The following MYH14 variants were observed in gnomAD, a reference collection of about 807,000 sequenced individuals.
MYH14 encodes the protein myosin heavy chain 14, also known as myosin-14.
MYH14 carries 123 observed loss-of-function variants against 255.5 expected under a neutral mutation model. That is an observed-to-expected ratio of 0.48 (90% CI 0.42 to 0.56). The LOEUF is 0.56. Ranked by LOEUF, MYH14 falls within the 20% of genes least tolerant of loss-of-function variation. The probability of loss-of-function intolerance (pLI) is 0.00; values close to 1 mark genes in which losing one functional copy is unlikely to be tolerated. For missense variants in MYH14, 2,423 were observed against 2,802.3 expected (o/e 0.86, Z 3.06); for synonymous variants, 1,095 against 1,161.2 (o/e 0.94, Z 1.16).
intron 19 of MYH14, among the ~76,000 whole-genome samples, chr19:50,259,600 G>A (rs140293141): frequency 6.6e-6 from 1 of 152,238 alleles, no homozygotes; most frequent in Non-Finnish European, 1.5e-5. Flanking sequence ...AGTAGAAGGC[G>A]GGGCGCGGTG....
rs554205766 is a variant in MYH14, at chr19:50,297,336, G to A, written c.5469+3649G>A. Among the ~76,000 whole-genome samples, 3 of 152,030 alleles carry A rather than the reference G, an allele frequency of 2.0e-5. No homozygotes were observed. In the East Asian group the frequency reaches 5.8e-4, roughly 30 times the overall value. ...GGCCAGAGGTCTGAAATCAAGGTGT[G>A]GGCAGGGTTGGTTCCTCTTGTTCAT... On this transcript the variant is annotated intron_variant, in intron 39 of 42. Coordinates refer to ENST00000642316, the MANE Select transcript of MYH14 (RefSeq NM_001145809.2).
intron 10 of MYH14, among the ~76,000 whole-genome samples, chr19:50,241,303 C>T (rs548154379): frequency 2.0e-5 from 3 of 152,270 alleles, no homozygotes; most frequent in Admixed American, 1.3e-4. Context: ...GGCGTGTTGG[C>T]ATGTGCCTGT....
At chr19:50,246,088 C>A (rs2034109257) in intron 11 of MYH14, among the ~76,000 whole-genome samples, 1 of 75,044 alleles carries the variant, frequency 1.3e-5, no homozygotes, top group Admixed American at 1.8e-4. Context: ...GATTCCCCCC[C>A]TCCCTCCCTC....
chr19:50,249,623 C>G, intron 13 of MYH14, 27 bp from the exon 14 acceptor site: 2 of 1,613,884 alleles, frequency 1.2e-6, no homozygotes, highest in Non-Finnish European at 1.7e-6. Flanking sequence ...TCCATCCTCC[C>G]AGCTCACGTG....
At chr19:50,241,024 T>A (rs1248695639) in intron 10 of MYH14, among the ~76,000 whole-genome samples, 1 of 152,084 alleles carries the variant, frequency 6.6e-6, no homozygotes, top group African/African-American at 2.4e-5. Flanking sequence ...GGTTGTGGTA[T>A]GGAGGAAGTG....
chr19:50,275,556 G>C (rs998730826), intron 27 of MYH14, among the ~76,000 whole-genome samples: 10 of 152,332 alleles, frequency 6.6e-5, no homozygotes, highest in Middle Eastern at 3.4e-3. Flanking sequence ...GCTGGGCGAA[G>C]TGGCTCACTC....
chr19:50,272,429 G>A, intron 26 of MYH14, 131 bp from the exon 27 acceptor site: 1 of 926,566 alleles, frequency 1.1e-6, no homozygotes, highest in Admixed American at 2.0e-5. Flanking sequence ...GGGGAAGGTG[G>A]GAGGAGGAGA....
intron 10 of MYH14, among the ~76,000 whole-genome samples, chr19:50,239,896 C>T (rs1229043943): frequency 6.6e-6 from 1 of 152,180 alleles, no homozygotes. Flanking sequence ...ACAGTATACA[C>T]ACCAATAAAA....
Position 50,214,474 on chromosome 19 carries a change from G to T in MYH14, c.406-3141G>T, listed in dbSNP as rs981239128. 3.9e-5 allele frequency among the ~76,000 whole-genome samples: 6 copies of T among 152,162 alleles called. 1 individual carries two copies. The highest frequency in any genetic ancestry group is 3.3e-4 in the Admixed American group (5 of 15,270). On this transcript the variant is annotated intron_variant, in intron 2 of 42. Transcript: ENST00000642316. ...TCTCAGTCCCTTTCCTGGGACCCTTGGGGCAGGGAGGGAACCCCTTCGTAG... is the reference window on the plus strand; with the variant it reads ...TCTCAGTCCCTTTCCTGGGACCCTTTGGGCAGGGAGGGAACCCCTTCGTAG...
chr19:50,278,857 G>A (rs814194), intron 30 of MYH14, among the ~76,000 whole-genome samples: 61,199 of 150,080 alleles, frequency 0.41, 13,039 homozygotes, highest in Non-Finnish European at 0.47. Flanking sequence ...GCGTGATGGC[G>A]CATGCCTGTA....
chr19:50,233,784 T>G (rs1836663144), intron 10 of MYH14, among the ~76,000 whole-genome samples: 1 of 150,990 alleles, frequency 6.6e-6, no homozygotes, highest in Non-Finnish European at 1.5e-5. Context: ...TGTGTGCATC[T>G]GTGTCCAAAA....
In MYH14 at chr19:50,267,003, G is replaced by A; in HGVS notation, c.2821G>A (p.Ala941Thr). ...REVGELQGRV[A>T]QLEEERARLA... ...AGTTGGGGAGCTCCAGGGCCGAGTGGCACAGGTGAGGGGGCGGGGGCAGGG... is the reference window on the plus strand; with the variant it reads ...AGTTGGGGAGCTCCAGGGCCGAGTGACACAGGTGAGGGGGCGGGGGCAGGG... Residue 941 changes from alanine (A) to threonine (T), a missense_variant, in exon 23 of 43, where the codon GCA becomes ACA. Transcript: ENST00000642316. 1 of 1,560,638 alleles carries A rather than the reference G, an allele frequency of 6.4e-7. No individual in the cohort carries two copies. Among genetic ancestry groups the A allele is most frequent in the Non-Finnish European group, 8.7e-7 (1 of 1,153,896 alleles).
In MYH14 at chr19:50,276,442, G is replaced by C. The variant is rs2035512142; in HGVS notation, c.3680+239G>C. Among the ~76,000 whole-genome samples the C allele has an allele frequency of 6.6e-6, 1 of 152,166 alleles. No homozygotes were observed. Among genetic ancestry groups the C allele is most frequent in the African/African-American group, 2.4e-5 (1 of 41,434 alleles). ...TTCAGGCAAAGACAATCTCAACCCAGAACAAGGGGTGCTTTAGCGGAGTAA... is the reference window on the plus strand; with the variant it reads ...TTCAGGCAAAGACAATCTCAACCCACAACAAGGGGTGCTTTAGCGGAGTAA... On this transcript the variant is annotated intron_variant, in intron 28 of 42. Transcript: ENST00000642316. The surrounding 1 kb of genome is among the most constrained non-coding windows in gnomAD (Gnocchi z 4.3).
At chr19:50,308,648 C>T in intron 41 of MYH14, 1 of 248,346 alleles carries the variant, frequency 4.0e-6, no homozygotes, top group Non-Finnish European at 7.8e-6. Context: ...GAAGAGAGAA[C>T]TGGACAAGAA....
chr19:50,249,968 C>T (rs1020280292), intron 14 of MYH14, 145 bp downstream of exon 14: 7 of 1,023,828 alleles, frequency 6.8e-6, no homozygotes, highest in African/African-American at 1.6e-5. Context: ...CCTGCTTCCT[C>T]GATCTTTTGT....
chr19:50,279,709 A>C (rs2035641144), intron 30 of MYH14, among the ~76,000 whole-genome samples: 1 of 152,242 alleles, frequency 6.6e-6, no homozygotes, highest in African/African-American at 2.4e-5. Context: ...CGTTGTATGG[A>C]TATTCCACAT....
intron 35 of MYH14, among the ~76,000 whole-genome samples, chr19:50,290,257 C>G (rs1037781298): frequency 6.6e-6 from 1 of 152,084 alleles, no homozygotes. Flanking sequence ...CCGCCCTCCC[C>G]TCCATCCACA....
At chr19:50,290,658 A>G (rs1194877225) in intron 35 of MYH14, among the ~76,000 whole-genome samples, 1 of 152,122 alleles carries the variant, frequency 6.6e-6, no homozygotes, top group Non-Finnish European at 1.5e-5. Context: ...ACGTGTTGGA[A>G]TGGGCTGGAG....
chr19:50,214,012 A>T (rs2032339851), intron 2 of MYH14, among the ~76,000 whole-genome samples: 1 of 152,120 alleles, frequency 6.6e-6, no homozygotes, highest in East Asian at 1.9e-4. Flanking sequence ...TGTTGTAGAG[A>T]CAGTGTTTCA....
Sources: allele counts gnomAD v4.1 joint callset (sites outside exome capture counted in the v4.1 genomes callset), GRCh38; gene constraint gnomAD v4.1.1; non-coding constraint Gnocchi (gnomAD v3.1); transcripts MANE v1.5; gene names NCBI Gene and HGNC (gene_info 2026-07-23, HGNC 2026-07-21).